Variants in CHLSN observed in about 807,000 individuals in gnomAD.
CHLSN encodes the protein protein cholesin.
chr7:1,082,093 ACAGCCTCACG>A, the CHLSN span: 1 of 152,266 alleles, frequency 6.6e-6, no homozygotes, highest in Non-Finnish European at 1.5e-5. Context: ...GGACATCTGG[ACAGCCTCACG>A]CAGCTTTCAG....
At chr7:1,111,600 GA>G in the CHLSN span, among the ~76,000 whole-genome samples, 4 of 152,218 alleles carry the variant, frequency 2.6e-5, no homozygotes, top group Non-Finnish European at 5.9e-5. Flanking sequence ...GGGATTTCAA[GA>G]CCAGCCTAGG....
chr7:992,967 G>A, the CHLSN span, among the ~76,000 whole-genome samples: 1 of 152,216 alleles, frequency 6.6e-6, no homozygotes, highest in African/African-American at 2.4e-5. Flanking sequence ...TGAGGTCAGA[G>A]TGCATCGGGT....
chr7:1,065,973 C>G, the CHLSN span, among the ~76,000 whole-genome samples: 1 of 152,356 alleles, frequency 6.6e-6, no homozygotes, highest in South Asian at 2.1e-4. Flanking sequence ...CTTTCAGGGC[C>G]CCACCAGGAG....
chr7:1,108,801 C>T, the CHLSN span, among the ~76,000 whole-genome samples: 1 of 151,704 alleles, frequency 6.6e-6, no homozygotes, highest in Non-Finnish European at 1.5e-5. Flanking sequence ...CCAGTGTGCA[C>T]CCCCCTCACT....
chr7:988,143 C>T, the CHLSN span: 4 of 1,126,020 alleles, frequency 3.6e-6, no homozygotes, highest in African/African-American at 1.6e-5. Context: ...GTTTGGGTGC[C>T]TCACCTGCAA....
At chr7:1,127,401 G>A in the CHLSN span, 2 of 1,592,270 alleles carry the variant, frequency 1.3e-6, no homozygotes. Flanking sequence ...AACAGAGAAA[G>A]TAAATTGCTG....
At chr7:1,005,444 C>T in the CHLSN span, among the ~76,000 whole-genome samples, 5 of 152,376 alleles carry the variant, frequency 3.3e-5, no homozygotes, top group African/African-American at 4.8e-5. Context: ...CTGCCAGCCG[C>T]GGTGAGCTGA....
At chr7:1,111,636 C>T in the CHLSN span, among the ~76,000 whole-genome samples, 1 of 152,074 alleles carries the variant, frequency 6.6e-6, no homozygotes, top group Non-Finnish European at 1.5e-5. Flanking sequence ...TCTGTCCCTA[C>T]AAAAAATACA....
At chr7:1,115,672 T>C in the CHLSN span, among the ~76,000 whole-genome samples, 236 of 86,642 alleles carry the variant, frequency 2.7e-3, 34 homozygotes, top group Middle Eastern at 0.039. Flanking sequence ...TAGGACCGGC[T>C]TCCATCACCA....
At chr7:1,090,175 A>G in the CHLSN span, among the ~76,000 whole-genome samples, 1 of 152,214 alleles carries the variant, frequency 6.6e-6, no homozygotes, top group Admixed American at 6.5e-5. Context: ...AGTTTACTCC[A>G]GGGCACCAGC....
At chr7:1,129,015 C>T in the CHLSN span, among the ~76,000 whole-genome samples, 1 of 3,398 alleles carries the variant, frequency 2.9e-4, no homozygotes, top group Non-Finnish European at 4.6e-4. Flanking sequence ...TCGGCTCATC[C>T]CACCGTCACC....
At chr7:1,000,624 C>A in the CHLSN span, 2 of 1,248,906 alleles carry the variant, frequency 1.6e-6, no homozygotes, top group Non-Finnish European at 1.1e-6. Context: ...CCTGAGAGAT[C>A]GGGGACGCCT....
the CHLSN span, chr7:1,055,195 C>G: frequency 5.8e-5 from 27 of 468,096 alleles, no homozygotes; most frequent in Non-Finnish European, 1.0e-4. Context: ...CCCCTCGTTT[C>G]TGGAACCCGG....
the CHLSN span, among the ~76,000 whole-genome samples, chr7:1,084,691 G>A: frequency 1.2e-4 from 19 of 152,230 alleles, no homozygotes; most frequent in African/African-American, 4.6e-4. Context: ...ACAGAACCGT[G>A]TAGACCCACG....
chr7:1,077,927 C>T, the CHLSN span: 1 of 152,284 alleles, frequency 6.6e-6, no homozygotes, highest in African/African-American at 2.4e-5. Flanking sequence ...TCCTCTGCCG[C>T]CAACTGCTCC....
the CHLSN span, among the ~76,000 whole-genome samples, chr7:1,102,749 C>T: frequency 6.6e-6 from 1 of 152,232 alleles, no homozygotes; most frequent in Admixed American, 6.5e-5. Flanking sequence ...CGGTGCCCGC[C>T]TCACCCTTGG....
the CHLSN span, chr7:1,091,965 G>T: frequency 6.2e-7 from 1 of 1,614,076 alleles, no homozygotes. Context: ...GCAACATCCT[G>T]ATCCTGGTGG....
At chr7:993,003 G>T in the CHLSN span, among the ~76,000 whole-genome samples, 1 of 152,210 alleles carries the variant, frequency 6.6e-6, no homozygotes, top group African/African-American at 2.4e-5. Context: ...ACAAGCGGGG[G>T]AGGGGGTGGC....
the CHLSN span, among the ~76,000 whole-genome samples, chr7:1,032,285 C>T: frequency 4.6e-5 from 7 of 152,342 alleles, no homozygotes; most frequent in African/African-American, 1.7e-4. Context: ...TGAAGCCCCC[C>T]GCAGGTGGAT....
Sources: gnomAD v4.1 joint callset for allele counts (sites outside exome capture counted in the v4.1 genomes callset) on GRCh38, gnomAD v4.1.1 for gene constraint, MANE v1.5 for transcripts, NCBI Gene and HGNC (gene_info 2026-07-23, HGNC 2026-07-21) for gene names.